Variants in TNS1 observed in about 807,000 individuals in gnomAD.
The protein encoded by TNS1 is tensin-1.
A neutral mutation model predicts 168.6 loss-of-function variants in TNS1; 62 were observed. That is an observed-to-expected ratio of 0.37 (90% confidence interval 0.30 to 0.45). The LOEUF (loss-of-function observed/expected upper bound fraction) is 0.45, where lower values mean the gene tolerates loss of function less well. Ranked by LOEUF, TNS1 falls within the 20% of genes least tolerant of loss-of-function variation. The pLI is 1.00. For synonymous variants in TNS1, 934 were observed against 933.2 expected (o/e 1.00, Z -0.02); for missense variants, 2,240 against 2,339.4 (o/e 0.96, Z 0.88).
In TNS1 at chr2:217,877,531, C is replaced by T. The variant is rs189489381; in HGVS notation, c.1429+3367G>A. Among the ~76,000 whole-genome samples the T allele has an allele frequency of 9.2e-4, 140 of 152,312 alleles. 2 individuals carry two copies. The East Asian group carries it at 0.024, about 26-fold the overall frequency. ...CGGGGTTTCCTGCCCCTTTGGCAGG[C>T]CCCCTCCCTCTCGGGTTTTATGACT... On this transcript the variant is annotated intron_variant, in intron 18 of 32. Coordinates refer to ENST00000682258, the MANE Select transcript of TNS1 (RefSeq NM_001387777.1).
intron 4 of TNS1, among the ~76,000 whole-genome samples, chr2:217,918,885 A>G (rs10184821): frequency 0.21 from 31,287 of 151,944 alleles, 6,093 homozygotes; most frequent in African/African-American, 0.51. Flanking sequence ...TGGGCTCCGT[A>G]TGAATAACAC....
At chr2:217,845,137 A>G (rs1356073957) in intron 19 of TNS1, among the ~76,000 whole-genome samples, 1 of 152,220 alleles carries the variant, frequency 6.6e-6, no homozygotes, top group Admixed American at 6.5e-5. Flanking sequence ...ATCAAAGTGG[A>G]ATAAACCAGG....
chr2:217,850,310 G>C (rs896785947), intron 18 of TNS1: 1 of 985,378 alleles, frequency 1.0e-6, no homozygotes, highest in Non-Finnish European at 1.2e-6. Context: ...CATATAGGGT[G>C]CTGATGCAGG....
intron 1 of TNS1, among the ~76,000 whole-genome samples, chr2:218,031,261 AGT>A (rs371203257): frequency 1.7e-5 from 2 of 118,298 alleles, no homozygotes; most frequent in East Asian, 5.4e-4. Context: ...TGAGTGTATG[AGT>A]GTGTTGTGTG....
chr2:217,937,123 CAT>C, intron 3 of TNS1: 1 of 433,182 alleles, frequency 2.3e-6, no homozygotes, highest in South Asian at 1.6e-5. Context: ...TGCCAGCTCA[CAT>C]GAGCTGCCTC....
intron 1 of TNS1, among the ~76,000 whole-genome samples, chr2:218,009,778 C>T (rs2105998680): frequency 6.6e-6 from 1 of 152,198 alleles, no homozygotes; most frequent in East Asian, 1.9e-4. Context: ...AGGAACTTTA[C>T]TCCGTATCCC....
chr2:217,855,090 T>A (rs1047699637), intron 18 of TNS1, among the ~76,000 whole-genome samples: 1 of 152,076 alleles, frequency 6.6e-6, no homozygotes, highest in Non-Finnish European at 1.5e-5. Flanking sequence ...CCTCTCTCCA[T>A]CCCCTGCTTT....
chr2:217,894,607 A>C (rs1952078470), intron 9 of TNS1, among the ~76,000 whole-genome samples: 1 of 152,184 alleles, frequency 6.6e-6, no homozygotes, highest in Non-Finnish European at 1.5e-5. Context: ...TAGTGAGCTG[A>C]GATCACGCCA....
chr2:217,903,506 C>T (rs756383520), intron 6 of TNS1: 1 of 1,458,624 alleles, frequency 6.9e-7, no homozygotes, highest in South Asian at 1.4e-5. Flanking sequence ...ACCCAAATGG[C>T]TTTGAACTTC....
At chr2:218,013,681 A>G (rs1958729824), upstream of TNS1, among the ~76,000 whole-genome samples, 1 of 152,106 alleles carries the variant, frequency 6.6e-6, no homozygotes, top group Non-Finnish European at 1.5e-5. Context: ...TCCAAGCCTT[A>G]GCACCCCTGC....
chr2:218,021,497 C>T (rs527631466), intron 1 of TNS1, among the ~76,000 whole-genome samples: 3 of 152,306 alleles, frequency 2.0e-5, no homozygotes, highest in East Asian at 1.9e-4. Context: ...CAATCTACAA[C>T]GCAACTGCTG....
chr2:217,860,579 AC>A (rs1239364616), intron 18 of TNS1, among the ~76,000 whole-genome samples: 5 of 152,140 alleles, frequency 3.3e-5, no homozygotes, highest in African/African-American at 1.2e-4. Context: ...CCCCACCCCA[AC>A]CAACCCACAA....
At chr2:217,830,847 G>A (rs957549366) in intron 22 of TNS1, among the ~76,000 whole-genome samples, 1 of 152,228 alleles carries the variant, frequency 6.6e-6, no homozygotes, top group African/African-American at 2.4e-5. Flanking sequence ...TGAGGGCAAG[G>A]GGATCGAGGA....
intron 3 of TNS1, among the ~76,000 whole-genome samples, chr2:217,967,314 C>T (rs929607666): frequency 3.3e-5 from 5 of 151,736 alleles, no homozygotes; most frequent in Admixed American, 2.6e-4. Flanking sequence ...GAGCGAGACT[C>T]GGTCTCAAAA....
intron 4 of TNS1, among the ~76,000 whole-genome samples, chr2:217,915,906 T>C (rs1294045608): frequency 1.3e-5 from 2 of 152,186 alleles, no homozygotes; most frequent in African/African-American, 4.8e-5. Flanking sequence ...GAAAAGGCTT[T>C]GAAAACGGCA....
chr2:217,844,868 T>C (rs559154493), intron 19 of TNS1, among the ~76,000 whole-genome samples: 9 of 152,350 alleles, frequency 5.9e-5, no homozygotes, highest in Non-Finnish European at 1.2e-4. Context: ...GATAACTCAG[T>C]TGGACTCTCC....
At chr2:217,923,888 G>A (rs577817677) in intron 3 of TNS1, among the ~76,000 whole-genome samples, 1 of 152,270 alleles carries the variant, frequency 6.6e-6, no homozygotes, top group Admixed American at 6.5e-5. Flanking sequence ...CTGATGCCTG[G>A]CACTCGTCAG....
At chr2:217,975,902 C>T (rs564798139) in intron 3 of TNS1, among the ~76,000 whole-genome samples, 1 of 151,444 alleles carries the variant, frequency 6.6e-6, no homozygotes, top group East Asian at 1.9e-4. Flanking sequence ...CACCCTGGTG[C>T]CTGCTCAAGG....
chr2:217,905,308 C>G (rs774878537), intron 6 of TNS1: 1 of 407,908 alleles, frequency 2.5e-6, no homozygotes, highest in South Asian at 1.7e-5. Flanking sequence ...TGAGCAGAAC[C>G]TTCCCCACTA....
Sources: allele counts gnomAD v4.1 joint callset (sites outside exome capture counted in the v4.1 genomes callset), GRCh38; gene constraint gnomAD v4.1.1; transcripts MANE v1.5; gene names NCBI Gene and HGNC (gene_info 2026-07-23, HGNC 2026-07-21).